TDP1: variants seen among roughly 807,000 people sequenced by gnomAD.
TDP1 encodes tyrosyl-DNA phosphodiesterase 1, also known as tyr-DNA phosphodiesterase 1.
Under a neutral mutation model 81.5 loss-of-function variants are expected in TDP1, and 64 were observed. That is an observed-to-expected ratio of 0.79 (90% CI 0.64 to 0.97). The LOEUF (loss-of-function observed/expected upper bound fraction) is 0.97, where lower values mean the gene tolerates loss of function less well. Ranked by LOEUF, TDP1 falls within the 50% of genes least tolerant of loss-of-function variation. The pLI, the probability that TDP1 is intolerant of heterozygous loss-of-function variation, is 0.00. For missense variants in TDP1, 723 were observed against 743.8 expected (o/e 0.97, Z 0.33); for synonymous variants, 256 against 264.3 (o/e 0.97, Z 0.30).
intron 14 of TDP1, among the ~76,000 whole-genome samples, chr14:89,999,224 T>A (rs1243395335): frequency 6.6e-6 from 1 of 152,250 alleles, no homozygotes; most frequent in Non-Finnish European, 1.5e-5. Context: ...TATACATTTC[T>A]AAATATTCCC....
chr14:89,962,154 G>A (rs1892402416), intron 2 of TDP1, among the ~76,000 whole-genome samples: 2 of 152,118 alleles, frequency 1.3e-5, no homozygotes, highest in Non-Finnish European at 1.5e-5. Context: ...TTATTTCTGT[G>A]TAGGTGTTAG....
intron 15 of TDP1, among the ~76,000 whole-genome samples, chr14:90,030,947 T>C (rs1343876094): frequency 4.0e-5 from 6 of 151,548 alleles, no homozygotes; most frequent in Non-Finnish European, 1.5e-5. Flanking sequence ...TTTTTTGTAT[T>C]TATTTATTAG....
chr14:90,016,696 T>C (rs576692257), intron 14 of TDP1, among the ~76,000 whole-genome samples: 2 of 152,246 alleles, frequency 1.3e-5, no homozygotes, highest in African/African-American at 2.4e-5. Context: ...GCTCCTACAA[T>C]TACATGATAA....
intron 8 of TDP1, chr14:89,981,513 C>T (rs553503543): frequency 1.1e-5 from 5 of 453,874 alleles, no homozygotes; most frequent in Non-Finnish European, 1.8e-5. Context: ...TAACAAACAG[C>T]CTTCTGTGTT....
chr14:90,034,766 T>C (rs1887652829), intron 16 of TDP1, among the ~76,000 whole-genome samples: 1 of 152,216 alleles, frequency 6.6e-6, no homozygotes, highest in Non-Finnish European at 1.5e-5. Context: ...GATTTTTTTT[T>C]CAATTGGCAA....
rs569407514 is a variant in TDP1, at chr14:89,962,661, C to CT, written c.-7-447_-7-446insT. Among the ~76,000 whole-genome samples, 172 of 151,456 alleles carry CT rather than the reference C, an allele frequency of 1.1e-3. 1 individual carries two copies. Among genetic ancestry groups the CT allele is most frequent in the African/African-American group, 4.0e-3 (166 of 41,174 alleles). On this transcript the variant is annotated intron_variant, in intron 2 of 16. Coordinates refer to ENST00000335725, the MANE Select transcript of TDP1 (RefSeq NM_018319.4). ...GGTGGATCTCTTGAGTCCAGGAGTT[C>CT]AAGGCCAGCCTGGGCAACAATAATG...
chr14:89,984,806 G>A (rs1895371997), intron 9 of TDP1, 123 bp downstream of exon 9: 12 of 1,585,214 alleles, frequency 7.6e-6, no homozygotes, highest in Non-Finnish European at 1.0e-5. Flanking sequence ...TTCAGGATGT[G>A]ATGAGGGGAT....
At chr14:90,025,755 C>G (rs1301975776) in intron 15 of TDP1, among the ~76,000 whole-genome samples, 1 of 152,200 alleles carries the variant, frequency 6.6e-6, no homozygotes, top group Non-Finnish European at 1.5e-5. Context: ...TTTCAAAGAT[C>G]AGTAGCTGTA....
intron 15 of TDP1, among the ~76,000 whole-genome samples, chr14:90,021,628 T>G (rs8012550): frequency 0.076 from 11,514 of 152,234 alleles, 842 homozygotes; most frequent in African/African-American, 0.19. Context: ...GAAAAAGAAA[T>G]AATCATTTGG....
chr14:90,030,941 T>G (rs1448390042), intron 15 of TDP1, among the ~76,000 whole-genome samples: 2 of 151,814 alleles, frequency 1.3e-5, no homozygotes, highest in African/African-American at 2.4e-5. Flanking sequence ...ATTTTTTTTT[T>G]TGTATTTATT....
chr14:89,963,280 C>T lies in TDP1; in HGVS notation c.166C>T (p.His56Tyr), dbSNP rs769893779. Residue 56 changes from histidine to tyrosine, a missense_variant, in exon 3 of 17, where the codon CAC becomes TAC. Transcript: ENST00000335725. ...CTGTTCCGAGGCCCAGAAAGCTGCACACAAGAGGAAAATATCACCTGTGAA... is the reference window on the plus strand; with the variant it reads ...CTGTTCCGAGGCCCAGAAAGCTGCATACAAGAGGAAAATATCACCTGTGAA... ...YTCSEAQKAA[H>Y]KRKISPVKFS... 3.4e-5 allele frequency: 55 copies of T among 1,614,002 alleles called. No individual in the cohort carries two copies. The South Asian group carries it at 5.4e-4, about 16-fold the overall frequency.
At chr14:89,962,679 C>T (rs1892458095) in intron 2 of TDP1, among the ~76,000 whole-genome samples, 1 of 149,410 alleles carries the variant, frequency 6.7e-6, no homozygotes, top group Admixed American at 6.7e-5. Flanking sequence ...GCCTGGGCAA[C>T]AATAATGAAA....
At chr14:90,010,590 T>C (rs1167979235) in intron 14 of TDP1, among the ~76,000 whole-genome samples, 1 of 152,046 alleles carries the variant, frequency 6.6e-6, no homozygotes, top group African/African-American at 2.4e-5. Context: ...GAGAGAGCAC[T>C]GCATGAAAAA....
At chr14:89,983,995 G>A in intron 8 of TDP1, 1 of 395,840 alleles carries the variant, frequency 2.5e-6, no homozygotes. Flanking sequence ...TATGAAAATG[G>A]GTTTGTTAAT....
In TDP1 at chr14:89,971,312, G is replaced by A. The variant is rs35192574; in HGVS notation, c.756+41G>A. 1,238 of 1,486,780 alleles carry A rather than the reference G, an allele frequency of 8.3e-4. 6 individuals are homozygous for A. In the African/African-American group the frequency reaches 0.015, roughly 18 times the overall value. The allele number at this position is 1,486,780 out of a possible 1,614,324, so 92.1% of individuals were successfully genotyped here. Reference sequence around the variant, plus strand: ...CCGTTGGAGAGCACGCGTAGTCTGAGTTAGAAGGAAACTTAGACATTTAGT... The same window carrying A: ...CCGTTGGAGAGCACGCGTAGTCTGAATTAGAAGGAAACTTAGACATTTAGT... On this transcript the variant is annotated intron_variant, in intron 6 of 16. Coordinates refer to ENST00000335725, the MANE Select transcript of TDP1 (RefSeq NM_018319.4).
intron 14 of TDP1, among the ~76,000 whole-genome samples, chr14:90,005,699 C>T (rs1596617944): frequency 6.6e-6 from 1 of 152,238 alleles, no homozygotes; most frequent in Non-Finnish European, 1.5e-5. Context: ...AAGTCTGTTG[C>T]TCTTTTCAAG....
rs535547114 is a variant in TDP1 at position 90,009,806 on chromosome 14, TGAACA to T, written c.1542-9497_1542-9493del. Among the ~76,000 whole-genome samples the T allele has an allele frequency of 2.3e-4, 35 of 152,284 alleles. No homozygotes were observed. The South Asian group carries it at 3.1e-3, about 14-fold the overall frequency. ...ATCAGCATAACAATAGATAAATTGA[TGAACA>T]GAACAGAACAGAGTCCAGAAATAGA... is the stretch of plus-strand genomic sequence containing the variant. On this transcript the variant is annotated intron_variant, in intron 14 of 16. Transcript: ENST00000335725.
At chr14:89,963,753 G>A in intron 3 of TDP1, 80 bp downstream of exon 3, 1 of 1,523,890 alleles carries the variant, frequency 6.6e-7, no homozygotes, top group Non-Finnish European at 9.1e-7. Context: ...GGGCAGCCTA[G>A]AATAGTTTCT....
intron 15 of TDP1, among the ~76,000 whole-genome samples, chr14:90,030,800 C>G (rs1887190866): frequency 1.3e-5 from 2 of 151,082 alleles, no homozygotes; most frequent in Non-Finnish European, 2.9e-5. Flanking sequence ...GAGTTTCACT[C>G]TGTCACCTAG....
Sources: allele counts gnomAD v4.1 joint callset (sites outside exome capture counted in the v4.1 genomes callset), GRCh38; gene constraint gnomAD v4.1.1; transcripts MANE v1.5; gene names NCBI Gene and HGNC (gene_info 2026-07-23, HGNC 2026-07-21).